ZMYM2: variants seen among roughly 807,000 people sequenced by gnomAD.
ZMYM2 encodes the protein zinc finger MYM-type containing 2.
ZMYM2 carries 56 observed loss-of-function variants against 162.8 expected under a neutral mutation model. That is an observed-to-expected ratio of 0.34 (90% confidence interval 0.28 to 0.43). ZMYM2 has a LOEUF of 0.43. Among genes scored for constraint, ZMYM2 ranks in the 20% least tolerant of loss-of-function variants. The pLI, the probability that ZMYM2 is intolerant of heterozygous loss-of-function variation, is 1.00. For missense variants in ZMYM2, 1,275 were observed against 1,621.8 expected, an observed-to-expected ratio of 0.79 and a Z score of 3.67; for synonymous variants, 510 against 541.6, an observed-to-expected ratio of 0.94 and a Z score of 0.81.
intron 3 of ZMYM2, among the ~76,000 whole-genome samples, chr13:19,995,605 G>A (rs751731693): frequency 1.3e-5 from 2 of 151,828 alleles, no homozygotes; most frequent in Non-Finnish European, 2.9e-5. Context: ...TCTTGAACTC[G>A]TGGCCTCAAG....
At chr13:20,013,362 T>G (rs181796895) in intron 6 of ZMYM2, among the ~76,000 whole-genome samples, 214 of 152,344 alleles carry the variant, frequency 1.4e-3, no homozygotes, top group Admixed American at 4.6e-3. Context: ...TCTTGGTATT[T>G]TTCTCTTTAT....
At chr13:20,057,566 G>A (rs1955896128) in intron 14 of ZMYM2, among the ~76,000 whole-genome samples, 1 of 152,184 alleles carries the variant, frequency 6.6e-6, no homozygotes, top group Non-Finnish European at 1.5e-5. Context: ...TATGTGTGGA[G>A]TACTGTACAG....
At chr13:19,867,136 T>G in the ZMYM2 span, among the ~76,000 whole-genome samples, 1 of 152,032 alleles carries the variant, frequency 6.6e-6, no homozygotes, top group African/African-American at 2.4e-5. Flanking sequence ...GTGGATCACC[T>G]GAGGTCGGGA....
intron 14 of ZMYM2, among the ~76,000 whole-genome samples, chr13:20,054,175 T>C (rs971708523): frequency 6.6e-6 from 1 of 152,244 alleles, no homozygotes; most frequent in Admixed American, 6.5e-5. Context: ...CTTCAAAGGA[T>C]AGGAGCTTAG....
intron 10 of ZMYM2, among the ~76,000 whole-genome samples, chr13:20,031,806 T>C (rs1346564929): frequency 2.0e-5 from 3 of 152,108 alleles, no homozygotes; most frequent in East Asian, 1.9e-4. Context: ...CCTGTACATA[T>C]TAGAATGTAT....
chr13:19,994,054 T>C, intron 3 of ZMYM2, 135 bp downstream of exon 3: 1 of 1,099,886 alleles, frequency 9.1e-7, no homozygotes, highest in Non-Finnish European at 1.3e-6. Context: ...AATTTTATCT[T>C]AAGTTTGGTA....
At chr13:19,976,056 G>A (rs993257174) in intron 2 of ZMYM2, among the ~76,000 whole-genome samples, 2 of 152,040 alleles carry the variant, frequency 1.3e-5, no homozygotes, top group Non-Finnish European at 2.9e-5. Context: ...ATCCTAGGCC[G>A]GGCACGGTAG....
chr13:19,886,409 T>G, the ZMYM2 span, among the ~76,000 whole-genome samples: 2 of 151,670 alleles, frequency 1.3e-5, no homozygotes, highest in African/African-American at 2.4e-5. Flanking sequence ...GTGATCTGCC[T>G]GCCTCGGCCT....
chr13:19,961,967 A>G (rs187268016), intron 2 of ZMYM2, among the ~76,000 whole-genome samples: 76 of 152,294 alleles, frequency 5.0e-4, no homozygotes, highest in Middle Eastern at 3.4e-3. Context: ...TATTTATGGC[A>G]TATTTCTTTA....
intron 2 of ZMYM2, among the ~76,000 whole-genome samples, chr13:19,972,887 C>T (rs1956444802): frequency 1.3e-5 from 2 of 150,624 alleles, no homozygotes; most frequent in Non-Finnish European, 3.0e-5. Flanking sequence ...TTTGTTATAG[C>T]TGTTACAAAT....
chr13:20,020,087 G>T (rs1951944118), intron 7 of ZMYM2: 1 of 153,982 alleles, frequency 6.5e-6, no homozygotes, highest in African/African-American at 2.4e-5. Flanking sequence ...TCAAGATAAT[G>T]AAATTTACAT....
chr13:20,036,990 C>A (rs764454797), intron 12 of ZMYM2, 81 bp downstream of exon 12: 1 of 1,342,866 alleles, frequency 7.4e-7, no homozygotes, highest in Non-Finnish European at 9.9e-7. Context: ...AATCTGGCAA[C>A]TCATTTATTT....
intron 21 of ZMYM2, among the ~76,000 whole-genome samples, chr13:20,078,262 A>G (rs990425168): frequency 2.9e-4 from 44 of 152,134 alleles, no homozygotes; most frequent in Middle Eastern, 3.4e-3. Flanking sequence ...ATTATTTTAT[A>G]TTATTATTAA....
At chr13:20,051,090 G>A (rs545070534) in intron 12 of ZMYM2, among the ~76,000 whole-genome samples, 1 of 152,062 alleles carries the variant, frequency 6.6e-6, no homozygotes, top group African/African-American at 2.4e-5. Flanking sequence ...TGTAATGATT[G>A]TAGGAGACAA....
At chr13:20,051,763 A>G (rs1436685561) in intron 13 of ZMYM2, among the ~76,000 whole-genome samples, 165 bp downstream of exon 13, 1 of 152,168 alleles carries the variant, frequency 6.6e-6, no homozygotes, top group Non-Finnish European at 1.5e-5. Flanking sequence ...TTGTTTTTAT[A>G]AATGTATTGC....
At chr13:20,050,496 AG>A (rs1955222040) in intron 12 of ZMYM2, among the ~76,000 whole-genome samples, 1 of 83,336 alleles carries the variant, frequency 1.2e-5, no homozygotes, top group African/African-American at 3.4e-5. Flanking sequence ...GTTAAGCCAA[AG>A]GGTAATTGAA....
rs768748782 is a variant in ZMYM2 at position 20,066,846 on chromosome 13, A to G, written c.3133-5A>G. 1.9e-6 allele frequency: 3 copies of G among 1,574,732 alleles called. No homozygotes were observed. The highest frequency in any genetic ancestry group is 1.7e-6 in the Non-Finnish European group (2 of 1,163,866). On this transcript the variant is annotated splice_polypyrimidine_tract_variant and splice_region_variant and intron_variant, in intron 19 of 24. Coordinates refer to ENST00000610343, the MANE Select transcript of ZMYM2 (RefSeq NM_197968.4). Reference sequence around the variant, plus strand: ...AGATATTATTATGGTGTTTTTTACTAATAGGGAGCCAAGAGAAAGGCTGTA... The same window carrying G: ...AGATATTATTATGGTGTTTTTTACTGATAGGGAGCCAAGAGAAAGGCTGTA...
At position 19,993,158 on chromosome 13, in the gene ZMYM2, C is replaced by T. The variant is rs746930699; in HGVS notation, c.86C>T (p.Thr29Met). The change falls in exon 3 of 25, where the codon ACG (threonine) becomes ATG (methionine). Residue 29 changes from threonine (T) to methionine (M), a missense_variant. Around this residue, in one of 10 missense-constraint regions of ZMYM2, gnomAD observed 295 missense variants for 286.7 expected, o/e 1.03. Transcript: ENST00000610343. ...LGSTAMATSL[T>M]NVGNSFSGPA... ...AGTACGGCCATGGCAACTAGTCTCA[C>T]GAATGTAGGAAACTCATTTAGTGGT... 6.2e-6 allele frequency: 10 copies of T among 1,614,074 alleles called. No homozygotes were observed. Among genetic ancestry groups the T allele is most frequent in the Middle Eastern group, 3.3e-4 (2 of 6,062 alleles).
chr13:19,889,049 C>T, the ZMYM2 span, among the ~76,000 whole-genome samples: 137,782 of 151,924 alleles, frequency 0.91, 64,155 homozygotes, highest in Non-Finnish European at 1. Context: ...TTCTGAGATC[C>T]GACTGCATCT....
Sources: gnomAD v4.1 joint callset for allele counts (sites outside exome capture counted in the v4.1 genomes callset) on GRCh38, gnomAD v4.1.1 for gene constraint, gnomAD v4.1.1 regional missense constraint, MANE v1.5 for transcripts, NCBI Gene and HGNC (gene_info 2026-07-23, HGNC 2026-07-21) for gene names.